Variants in MCTP1 observed in about 807,000 individuals in gnomAD.
The protein encoded by MCTP1 is multiple C2 and transmembrane domain containing 1.
In MCTP1, 69 loss-of-function variants were observed where a neutral mutation model predicts 120.6. The ratio of observed to expected loss-of-function variants is 0.57; its 90% CI spans 0.47 to 0.70. The LOEUF (loss-of-function observed/expected upper bound fraction) is 0.70. Ranked by LOEUF, MCTP1 falls within the 30% of genes least tolerant of loss-of-function variation. The probability of loss-of-function intolerance (pLI) is 0.00; values close to 1 mark genes in which losing one functional copy is unlikely to be tolerated. For synonymous variants in MCTP1, 529 were observed against 493.1 expected, an observed-to-expected ratio of 1.07 and a Z score of -0.96; for missense variants, 1,203 against 1,248.8, an observed-to-expected ratio of 0.96 and a Z score of 0.55.
intron 7 of MCTP1, among the ~76,000 whole-genome samples, chr5:94,922,637 C>T (rs367620722): frequency 3.3e-5 from 5 of 151,992 alleles, no homozygotes; most frequent in African/African-American, 4.8e-5. Flanking sequence ...TACATGCATG[C>T]GCCACCATGC....
intron 1 of MCTP1, among the ~76,000 whole-genome samples, chr5:95,145,100 AGAGATCTATCACCTCCTTGTT>A (rs369267219): frequency 1.5e-3 from 222 of 152,170 alleles, no homozygotes; most frequent in African/African-American, 5.2e-3. Context: ...TTCTCCTTGT[AGAGATCTATCACCTCCTTGTT>A]TAGATGCATT....
chr5:94,978,293 G>A, intron 2 of MCTP1, among the ~76,000 whole-genome samples: 1 of 151,692 alleles, frequency 6.6e-6, no homozygotes. Flanking sequence ...ACAATATGGA[G>A]ATTTCTAAAA....
intron 1 of MCTP1, among the ~76,000 whole-genome samples, chr5:95,036,542 G>A (rs982629401): frequency 3.3e-5 from 5 of 151,852 alleles, no homozygotes; most frequent in African/African-American, 4.8e-5. Flanking sequence ...CTTTTTCCCC[G>A]CGGATTACAA....
At chr5:95,170,288 A>C (rs1747075009) in intron 1 of MCTP1, among the ~76,000 whole-genome samples, 1 of 152,116 alleles carries the variant, frequency 6.6e-6, no homozygotes, top group African/African-American at 2.4e-5. Flanking sequence ...GTTTGTTATA[A>C]TTTCTGTTCT....
intron 4 of MCTP1, among the ~76,000 whole-genome samples, chr5:94,940,808 T>A (rs967212771): frequency 6.6e-6 from 1 of 151,406 alleles, no homozygotes; most frequent in Non-Finnish European, 1.5e-5. Context: ...TATTATTCTT[T>A]CAGAGGTACC....
intron 17 of MCTP1, among the ~76,000 whole-genome samples, chr5:94,838,905 G>A (rs1337181063): frequency 2.0e-5 from 3 of 152,122 alleles, no homozygotes; most frequent in Non-Finnish European, 4.4e-5. Context: ...TTAGACTGAA[G>A]GGATCCTCAG....
chr5:95,057,108 A>G (rs1035107664), intron 1 of MCTP1, among the ~76,000 whole-genome samples: 4 of 152,180 alleles, frequency 2.6e-5, no homozygotes, highest in African/African-American at 9.6e-5. Context: ...CAGGGGAAAA[A>G]TAAGACTAGA....
chr5:94,792,652 TA>T, intron 18 of MCTP1: 1 of 152,752 alleles, frequency 6.5e-6, no homozygotes, highest in Non-Finnish European at 1.5e-5. Flanking sequence ...TTTTGCTCAA[TA>T]AACACTGCAT....
chr5:94,990,532 T>C (rs1831335087), intron 2 of MCTP1, among the ~76,000 whole-genome samples: 2 of 152,188 alleles, frequency 1.3e-5, no homozygotes, highest in South Asian at 2.1e-4. Context: ...AGGGTCACGC[T>C]AGCTCAAGGA....
chr5:95,155,644 A>C (rs1745035159), intron 1 of MCTP1, among the ~76,000 whole-genome samples: 1 of 152,166 alleles, frequency 6.6e-6, no homozygotes, highest in African/African-American at 2.4e-5. Flanking sequence ...CCAATATAGC[A>C]ACCTATACAC....
At chr5:94,865,669 T>G (rs565487975) in intron 17 of MCTP1, among the ~76,000 whole-genome samples, 64 of 152,036 alleles carry the variant, frequency 4.2e-4, no homozygotes, top group Admixed American at 3.7e-3. Flanking sequence ...TAACTTAATA[T>G]CTACAAGATG....
At chr5:94,741,793 G>T (rs968121131) in intron 19 of MCTP1, among the ~76,000 whole-genome samples, 5 of 152,242 alleles carry the variant, frequency 3.3e-5, no homozygotes, top group African/African-American at 1.2e-4. Context: ...AGGGGCAAAT[G>T]CTTGCATGCG....
intron 19 of MCTP1, among the ~76,000 whole-genome samples, chr5:94,739,704 G>A (rs886270512): frequency 7.2e-5 from 11 of 152,022 alleles, no homozygotes; most frequent in Admixed American, 6.6e-5. Flanking sequence ...TTACTCTGTC[G>A]CCCAGCCTGG....
At chr5:94,749,654 C>CAAAAAAAAAAAAAAAAA (rs57404381) in intron 19 of MCTP1, among the ~76,000 whole-genome samples, 2 of 50,944 alleles carry the variant, frequency 3.9e-5, no homozygotes, top group African/African-American at 1.6e-4. Context: ...GACTTCATCT[C>CAAAAAAAAAAAAAAAAA]AAAAAAAAAA....
intron 1 of MCTP1, among the ~76,000 whole-genome samples, chr5:95,031,071 T>C (rs1427993156): frequency 6.6e-6 from 1 of 151,854 alleles, no homozygotes; most frequent in South Asian, 2.1e-4. Flanking sequence ...TTTCAAATTA[T>C]CTGAGTCAGA....
chr5:95,085,133 G>C (rs1237943486), intron 1 of MCTP1, among the ~76,000 whole-genome samples: 1 of 152,002 alleles, frequency 6.6e-6, no homozygotes, highest in African/African-American at 2.4e-5. Flanking sequence ...TTTTCTGGAA[G>C]AAGTAAACCA....
intron 1 of MCTP1, among the ~76,000 whole-genome samples, chr5:95,187,327 T>C (rs1316033195): frequency 6.6e-6 from 1 of 152,234 alleles, no homozygotes; most frequent in South Asian, 2.1e-4. Flanking sequence ...GAGATCATTA[T>C]GTTAAGTGAA....
intron 19 of MCTP1, among the ~76,000 whole-genome samples, chr5:94,755,488 G>A (rs1445727320): frequency 3.3e-5 from 5 of 152,194 alleles, no homozygotes; most frequent in Non-Finnish European, 5.9e-5. Flanking sequence ...TGCCTTCTGC[G>A]TTCTGCTCTC....
At chr5:94,902,792 G>A (rs1805858303) in intron 10 of MCTP1, among the ~76,000 whole-genome samples, 1 of 152,138 alleles carries the variant, frequency 6.6e-6, no homozygotes, top group Admixed American at 6.5e-5. Flanking sequence ...GTTGTTAGAA[G>A]TTGTCACTGT....
Sources: allele counts gnomAD v4.1 joint callset (sites outside exome capture counted in the v4.1 genomes callset), GRCh38; gene constraint gnomAD v4.1.1; transcripts MANE v1.5; gene names NCBI Gene and HGNC (gene_info 2026-07-23, HGNC 2026-07-21).